PHF3: variants seen among roughly 807,000 people sequenced by gnomAD.
PHF3 encodes PHD finger protein 3.
Under a neutral mutation model 178.4 loss-of-function variants are expected in PHF3, and 41 were observed. The ratio of observed to expected loss-of-function variants is 0.23; its 90% CI spans 0.18 to 0.30. PHF3 has a LOEUF of 0.30. PHF3 is among the 10% of genes least tolerant of loss of function. The probability of loss-of-function intolerance (pLI) is 1.00; values close to 1 mark genes in which losing one functional copy is unlikely to be tolerated. For missense variants in PHF3, 2,346 were observed against 2,398.1 expected, an observed-to-expected ratio of 0.98 and a Z score of 0.45; for synonymous variants, 842 against 800.5, an observed-to-expected ratio of 1.05 and a Z score of -0.88.
rs371109942 is a variant in PHF3, at chr6:63,713,431, G to T, written c.5843G>T (p.Arg1948Leu). The T allele has an allele frequency of 2.3e-5, 37 of 1,613,804 alleles. No individual in the cohort carries two copies. Among genetic ancestry groups the T allele is most frequent in the African/African-American group, 5.3e-5 (4 of 74,872 alleles). ...EWEQESERHR[R>L]RDRSQDKDRD... ...GAGCAAGAATCTGAAAGGCATAGACGCAGAGACAGAAGCCAAGACAAGGAC... is the reference window on the plus strand; with the variant it reads ...GAGCAAGAATCTGAAAGGCATAGACTCAGAGACAGAAGCCAAGACAAGGAC... The change falls in exon 16 of 16, where the codon CGC becomes CTC. Residue 1948 changes from arginine (R) to leucine (L), a missense_variant. Around this residue, in one of 8 missense-constraint regions of PHF3, gnomAD observed 839 missense variants for 806.9 expected, o/e 1.04. Coordinates refer to ENST00000262043, the MANE Select transcript of PHF3 (RefSeq NM_001370348.2).
intron 2 of PHF3, among the ~76,000 whole-genome samples, chr6:63,672,837 T>C (rs906220740): frequency 1.3e-5 from 2 of 152,244 alleles, no homozygotes; most frequent in African/African-American, 4.8e-5. Flanking sequence ...GACTTCTGTG[T>C]GTTCAAAGTG....
chr6:63,640,998 A>G (rs371533019), intron 1 of PHF3, among the ~76,000 whole-genome samples: 59 of 152,250 alleles, frequency 3.9e-4, no homozygotes, highest in African/African-American at 1.4e-3. Context: ...ATTGAGAATT[A>G]TAGATACAAA....
chr6:63,656,343 C>T (rs1158548403), intron 2 of PHF3, among the ~76,000 whole-genome samples: 2 of 152,124 alleles, frequency 1.3e-5, no homozygotes, highest in Non-Finnish European at 2.9e-5. Flanking sequence ...TACTGTATCT[C>T]TGATAGTTTT....
rs183604759 is a variant in PHF3 at position 63,663,541 on chromosome 6, C to A, written c.245-16459C>A. Among the ~76,000 whole-genome samples the A allele has an allele frequency of 1.1e-4, 16 of 152,298 alleles. No homozygotes were observed. In the East Asian group the frequency reaches 2.9e-3, roughly 28 times the overall value. On this transcript the variant is annotated intron_variant, in intron 2 of 15. Transcript: ENST00000262043. ...TCCTGTCTGACCCCAGAAACACTTT[C>A]TGTACTCCAGACTTTATATTATTTT...
At position 63,721,797 on chromosome 6, in the gene PHF3, C is replaced by T; in HGVS notation, c.*8089C>T. The T allele has an allele frequency of 6.5e-7, 1 of 1,538,690 alleles. No homozygotes were observed. Among genetic ancestry groups the T allele is most frequent in the Non-Finnish European group, 8.8e-7 (1 of 1,140,762 alleles). ...TACTAAAGAGATGCATAAAAAATCA[C>T]CTGCAAGAAAGCAAACAGTAAGTTT... On this transcript the variant is annotated 3_prime_UTR_variant, in exon 16 of 16. Coordinates refer to ENST00000262043, the MANE Select transcript of PHF3 (RefSeq NM_001370348.2).
At chr6:63,688,919 A>G (rs963314409) in intron 4 of PHF3, among the ~76,000 whole-genome samples, 6 of 152,216 alleles carry the variant, frequency 3.9e-5, no homozygotes, top group Non-Finnish European at 7.3e-5. Flanking sequence ...TGTAAAGACT[A>G]TATAAACGCT....
rs1451337170 is a variant in PHF3, at chr6:63,636,067, G to A, written c.-109G>A. The A allele has an allele frequency of 5.1e-6, 2 of 392,818 alleles. No homozygotes were observed. The highest frequency in any genetic ancestry group is 9.0e-6 in the Non-Finnish European group (2 of 222,706). 24.3% of individuals were successfully genotyped at this position (392,818 alleles called of 1,614,324 possible). On this transcript the variant is annotated 5_prime_UTR_variant, in exon 1 of 16. Coordinates refer to ENST00000262043, the MANE Select transcript of PHF3 (RefSeq NM_001370348.2). ...ACCCCCTCTCCGCGGCACCCACCGG[G>A]CCCCCTCCTCCTCCTCTTCGGCGGC...
Position 63,712,846 on chromosome 6 carries a change from C to T in PHF3, c.5258C>T (p.Pro1753Leu), listed in dbSNP as rs752048360. ...ILMQNIETVH[P>L]FRRGSAVATS... Reference sequence around the variant, plus strand: ...ATGCAAAATATTGAAACTGTGCACCCATTTCGAAGAGGATCAGCAGTAGCG... The same window carrying T: ...ATGCAAAATATTGAAACTGTGCACCTATTTCGAAGAGGATCAGCAGTAGCG... The change falls in exon 16 of 16, where the codon CCA becomes CTA. Residue 1753 changes from proline to leucine, a missense_variant. Pro to Leu is a moderately conservative substitution (Grantham distance 98). Coordinates refer to ENST00000262043, the MANE Select transcript of PHF3 (RefSeq NM_001370348.2). 5 of 1,613,900 alleles carry T rather than the reference C, an allele frequency of 3.1e-6. No individual in the cohort carries two copies. In the African/African-American group the frequency reaches 6.7e-5, roughly 22 times the overall value.
At chr6:63,666,494 C>T (rs1314560955) in intron 2 of PHF3, among the ~76,000 whole-genome samples, 1 of 151,246 alleles carries the variant, frequency 6.6e-6, no homozygotes, top group Non-Finnish European at 1.5e-5. Context: ...TAGAGTCATT[C>T]CGCGGTATCC....
intron 1 of PHF3, chr6:63,636,743 C>CT (rs1764358079): frequency 6.6e-6 from 1 of 152,190 alleles, no homozygotes. Context: ...CTGTGGACTC[C>CT]TTTTGCTTAG....
At position 63,715,812 on chromosome 6, in the gene PHF3, A is replaced by C. The variant is rs1436389562; in HGVS notation, c.*2104A>C. 6.6e-6 allele frequency among the ~76,000 whole-genome samples: 1 copy of C among 152,092 alleles called. No homozygotes were observed. On this transcript the variant is annotated 3_prime_UTR_variant, in exon 16 of 16. Transcript: ENST00000262043. Reference sequence around the variant, plus strand: ...TATTTGAGGTTTTCCTTTTGAGGAAAAAAAGGGAAAATGAGCAGATTTTTC... The same window carrying C: ...TATTTGAGGTTTTCCTTTTGAGGAACAAAAGGGAAAATGAGCAGATTTTTC...
intron 1 of PHF3, among the ~76,000 whole-genome samples, chr6:63,643,904 T>C (rs1250168057): frequency 1.3e-5 from 2 of 152,200 alleles, no homozygotes; most frequent in Admixed American, 1.3e-4. Context: ...AGCAGTATTA[T>C]TGAAAACAAA....
At position 63,712,708 on chromosome 6, in the gene PHF3, A is replaced by T; in HGVS notation, c.5120A>T (p.Asn1707Ile). The change falls in exon 16 of 16, where the codon AAC (asparagine) becomes ATC (isoleucine). Residue 1707 changes from asparagine to isoleucine, a missense_variant. By Grantham distance (149) the Asn-to-Ile change is moderately radical. Transcript: ENST00000262043. ...GAAAAGTTGTGTTCTGCAGAGAAAAACTCGTGTGTTCAGCAGAGTGACAAT... is the reference window on the plus strand; with the variant it reads ...GAAAAGTTGTGTTCTGCAGAGAAAATCTCGTGTGTTCAGCAGAGTGACAAT... Reference protein sequence around the residue: ...VEEKLCSAEKNSCVQQSDNLK... With the variant: ...VEEKLCSAEKISCVQQSDNLK... 6.2e-7 allele frequency: 1 copy of T among 1,613,772 alleles called. No homozygotes were observed. The highest frequency in any genetic ancestry group is 1.3e-5 in the African/African-American group (1 of 74,954).
chr6:63,680,065 G>C lies in PHF3; in HGVS notation c.310G>C (p.Glu104Gln). 2 of 1,612,612 alleles carry C rather than the reference G, an allele frequency of 1.2e-6. No homozygotes were observed. Among genetic ancestry groups the C allele is most frequent in the Non-Finnish European group, 1.7e-6 (2 of 1,178,962 alleles). Residue 104 changes from glutamate (E) to glutamine (Q), a missense_variant, in exon 3 of 16, where the codon GAA becomes CAA. Glu to Gln is a conservative substitution (Grantham distance 29). This residue lies in a region of PHF3 where 843 missense variants were observed against 795.2 expected (regional missense o/e 1.06). Coordinates refer to ENST00000262043, the MANE Select transcript of PHF3 (RefSeq NM_001370348.2). ...VKESGNDTID[E>Q]EELILPNRNL... is the part of the protein sequence containing the mutation. ...AGAAAGTGGCAATGATACCATTGATGAAGAAGAACTGATTTTACCTAACAG... is the reference window on the plus strand; with the variant it reads ...AGAAAGTGGCAATGATACCATTGATCAAGAAGAACTGATTTTACCTAACAG...
chr6:63,656,620 G>A (rs746727197), intron 2 of PHF3, among the ~76,000 whole-genome samples: 125 of 152,066 alleles, frequency 8.2e-4, no homozygotes, highest in Admixed American at 2.0e-3. Context: ...CATTTTCTAG[G>A]CATGTTATAC....
intron 2 of PHF3, among the ~76,000 whole-genome samples, chr6:63,674,212 G>A (rs1277588034): frequency 7.8e-6 from 1 of 127,720 alleles, no homozygotes; most frequent in African/African-American, 3.3e-5. Context: ...GAGACAATAT[G>A]AAGCCCTTTG....
chr6:63,709,598 A>G (rs986291450), intron 14 of PHF3, among the ~76,000 whole-genome samples: 1 of 152,196 alleles, frequency 6.6e-6, no homozygotes, highest in Admixed American at 6.5e-5. Flanking sequence ...TCTAAAATAT[A>G]GTGACTCAAA....
At chr6:63,692,904 T>C (rs1339013304) in intron 5 of PHF3, among the ~76,000 whole-genome samples, 1 of 152,206 alleles carries the variant, frequency 6.6e-6, no homozygotes, top group South Asian at 2.1e-4. Flanking sequence ...TGCAACACGA[T>C]ATGGAAGTTA....
At chr6:63,640,606 G>T (rs1324614351) in intron 1 of PHF3, among the ~76,000 whole-genome samples, 2 of 152,112 alleles carry the variant, frequency 1.3e-5, no homozygotes, top group Non-Finnish European at 2.9e-5. Context: ...AATTTTCTGG[G>T]TTCAGATTTT....
Sources: allele counts gnomAD v4.1 joint callset (sites outside exome capture counted in the v4.1 genomes callset), GRCh38; gene constraint gnomAD v4.1.1; regional missense constraint gnomAD v4.1.1; transcripts MANE v1.5; gene names NCBI Gene and HGNC (gene_info 2026-07-23, HGNC 2026-07-21).